LPIN3: variants seen among roughly 807,000 people sequenced by gnomAD.
LPIN3 encodes phosphatidate phosphatase LPIN3.
Under a neutral mutation model 94.7 loss-of-function variants are expected in LPIN3, and 82 were observed. The ratio of observed to expected loss-of-function variants is 0.87; its 90% confidence interval spans 0.72 to 1.04. LPIN3 has a LOEUF of 1.04. LPIN3 is among the 50% of genes least tolerant of loss of function. The pLI, the probability that LPIN3 is intolerant of heterozygous loss-of-function variation, is 0.00. For missense variants in LPIN3, 996 were observed against 1,090.5 expected (o/e 0.91, Z 1.22); for synonymous variants, 418 against 443.3 (o/e 0.94, Z 0.72).
chr20:41,342,838 G>A (rs2045635635), intron 1 of LPIN3, among the ~76,000 whole-genome samples: 1 of 152,162 alleles, frequency 6.6e-6, no homozygotes, highest in Admixed American at 6.5e-5. Flanking sequence ...TGAGGGAGAT[G>A]GGTCTAAAAA....
chr20:41,352,103 C>T lies in LPIN3; in HGVS notation c.1246C>T (p.Gln416Ter). 3 of 1,614,242 alleles carry T rather than the reference C, an allele frequency of 1.9e-6. No homozygotes were observed. The highest frequency in any genetic ancestry group is 2.5e-6 in the Non-Finnish European group (3 of 1,180,050). ...GARRWSEPSSQKSLRDPNPEH... is the reference protein window; with the variant it reads ...GARRWSEPSS ...CAGAAGATGGAGTGAACCCAGCAGT[C>T]AGAAGTCCCTGAGGGACCCCAACCC... The change falls in exon 9 of 20, where the codon CAG (glutamine) becomes TAG (stop). Residue 416 changes from glutamine (Q) to a stop codon, truncating the protein, a stop_gained. Coordinates refer to ENST00000373257, the MANE Select transcript of LPIN3 (RefSeq NM_022896.3). LOFTEE classifies it high-confidence loss of function.
Position 41,349,156 on chromosome 20 carries a change from T to C in LPIN3, c.622T>C (p.Trp208Arg). The change falls in exon 5 of 20, where the codon TGG (tryptophan) becomes CGG (arginine). Residue 208 changes from tryptophan (W) to arginine (R), a missense_variant. Physicochemically the swap from Trp to Arg is moderately radical, Grantham distance 101. Transcript: ENST00000373257. ...CATCTACCCCTACTCGGATGGCGAGTGGCCCCCCCAGGCCAGGTAAGAGTC... is the reference window on the plus strand; with the variant it reads ...CATCTACCCCTACTCGGATGGCGAGCGGCCCCCCCAGGCCAGGTAAGAGTC... ...KDIYPYSDGE[W>R]PPQASLSAGE... 1 of 1,614,046 alleles carries C rather than the reference T, an allele frequency of 6.2e-7. No homozygotes were observed. Among genetic ancestry groups the C allele is most frequent in the Non-Finnish European group, 8.5e-7 (1 of 1,179,978 alleles).
intron 4 of LPIN3, 76 bp from the exon 5 acceptor site, chr20:41,349,016 C>T: frequency 6.3e-7 from 1 of 1,592,594 alleles, no homozygotes. Context: ...TTACCAAGCC[C>T]CTGATGTCCA....
rs373805814 is a variant in LPIN3 at position 41,345,951 on chromosome 20, G to C, written c.148G>C (p.Val50Leu). The C allele has an allele frequency of 4.3e-6, 7 of 1,614,018 alleles. No homozygotes were observed. The African/African-American group carries it at 9.3e-5, about 22-fold the overall frequency. Residue 50 changes from valine to leucine, a missense_variant, in exon 2 of 20, where the codon GTG (valine) becomes CTG (leucine). Coordinates refer to ENST00000373257, the MANE Select transcript of LPIN3 (RefSeq NM_022896.3). Reference sequence around the variant, plus strand: ...CTCGTTCCGGTGCTCACCCTTCCACGTGCGTTTTGGCAAGCTGGGCGTCCT... The same window carrying C: ...CTCGTTCCGGTGCTCACCCTTCCACCTGCGTTTTGGCAAGCTGGGCGTCCT... ...DGSFRCSPFH[V>L]RFGKLGVLRS...
Position 41,357,429 on chromosome 20 carries a change from T to C in LPIN3, c.2021T>C (p.Leu674Pro), listed in dbSNP as rs1313587635. 2 of 1,613,602 alleles carry C rather than the reference T, an allele frequency of 1.2e-6. No homozygotes were observed. Among genetic ancestry groups the C allele is most frequent in the Admixed American group, 1.7e-5 (1 of 60,002 alleles). Reference protein sequence around the residue: ...KDWTHQGITSLYHKIQLNGYK... With the variant: ...KDWTHQGITSPYHKIQLNGYK... ...TGGACACACCAGGGCATCACCAGTC[T>C]CTATCACAAAATCCAACTGTGAGTG... The change falls in exon 16 of 20, where the codon CTC (leucine) becomes CCC (proline). Residue 674 changes from leucine (L) to proline (P), a missense_variant. By Grantham distance (98) the Leu-to-Pro change is moderately conservative. Transcript: ENST00000373257.
intron 2 of LPIN3, 126 bp downstream of exon 2, chr20:41,346,121 C>T: frequency 1.0e-6 from 1 of 991,736 alleles, no homozygotes; most frequent in Non-Finnish European, 1.5e-6. Context: ...GGACAGGCTT[C>T]CCTTCATTTG....
chr20:41,342,090 A>C (rs2045603535), intron 1 of LPIN3, among the ~76,000 whole-genome samples: 1 of 152,178 alleles, frequency 6.6e-6, no homozygotes, highest in Admixed American at 6.5e-5. Context: ...GGCTGTCATG[A>C]TGCTGCTGCT....
intron 1 of LPIN3, 91 bp from the exon 2 acceptor site, chr20:41,345,705 A>G: frequency 7.4e-7 from 1 of 1,354,880 alleles, no homozygotes; most frequent in Non-Finnish European, 1.0e-6. Context: ...ACACAAATGT[A>G]AACTTGGGGG....
intron 1 of LPIN3, among the ~76,000 whole-genome samples, chr20:41,345,273 G>A (rs1031537435): frequency 1.3e-5 from 2 of 152,158 alleles, no homozygotes; most frequent in Non-Finnish European, 2.9e-5. Flanking sequence ...CGTTTTCACA[G>A]TTGGACCATC....
intron 7 of LPIN3, 35 bp downstream of exon 7, chr20:41,350,432 G>A: frequency 6.7e-7 from 1 of 1,495,658 alleles, no homozygotes; most frequent in Admixed American, 2.2e-5. Context: ...CTGCCTCCCT[G>A]GCCTCGCTCT....
chr20:41,348,566 G>A (rs2045873035), intron 3 of LPIN3, 53 bp from the exon 4 acceptor site: 1 of 1,554,692 alleles, frequency 6.4e-7, no homozygotes, highest in Non-Finnish European at 8.7e-7. Flanking sequence ...TGTGTGGTGA[G>A]CGCAGCCCCA....
Position 41,355,909 on chromosome 20 carries a change from G to A in LPIN3, c.1678G>A (p.Val560Ile). The A allele has an allele frequency of 6.2e-7, 1 of 1,614,106 alleles. No homozygotes were observed. The highest frequency in any genetic ancestry group is 8.5e-7 in the Non-Finnish European group (1 of 1,179,992). The part of the protein sequence containing the change: ...AKEQQGEKTE[V>I]LSSDDDAPDS... ...TGTGGTCCACAGGGAGAAGACAGAA[G>A]TCCTGAGCAGTGATGACGATGCCCC... is the stretch of plus-strand genomic sequence containing the variant. Residue 560 changes from valine to isoleucine, a missense_variant, in exon 14 of 20, where the codon GTC (valine) becomes ATC (isoleucine). Coordinates refer to ENST00000373257, the MANE Select transcript of LPIN3 (RefSeq NM_022896.3).
intron 13 of LPIN3, among the ~76,000 whole-genome samples, chr20:41,355,094 A>G (rs2046165605): frequency 6.6e-6 from 1 of 152,090 alleles, no homozygotes; most frequent in East Asian, 1.9e-4. Flanking sequence ...GGCTCACTGC[A>G]ACCTCCACCT....
chr20:41,354,282 T>C (rs912003596), intron 11 of LPIN3, among the ~76,000 whole-genome samples: 2 of 152,262 alleles, frequency 1.3e-5, no homozygotes, highest in South Asian at 2.1e-4. Flanking sequence ...TTCTCCCTGC[T>C]GCCACTTGGT....
At chr20:41,357,501 G>C (rs1371454730) in intron 16 of LPIN3, 54 bp downstream of exon 16, 1 of 1,470,756 alleles carries the variant, frequency 6.8e-7, no homozygotes, top group Non-Finnish European at 9.4e-7. Context: ...CTCTAGAGAG[G>C]GAGTGACAGG....
At chr20:41,345,434 G>T (rs1326433900) in intron 1 of LPIN3, among the ~76,000 whole-genome samples, 2 of 152,244 alleles carry the variant, frequency 1.3e-5, no homozygotes, top group South Asian at 2.1e-4. Context: ...CCACAGGGTT[G>T]TTGTGAAGAT....
chr20:41,357,162 C>T lies in LPIN3; in HGVS notation c.1926C>T (p.Ile642=), dbSNP rs2046237384. 1 of 1,614,016 alleles carries T rather than the reference C, an allele frequency of 6.2e-7. No individual in the cohort carries two copies. Among genetic ancestry groups the T allele is most frequent in the African/African-American group, 1.3e-5 (1 of 74,928 alleles). The change falls in exon 15 of 20, where the codon ATC becomes ATT. Residue 642 remains isoleucine (I), a synonymous_variant. Coordinates refer to ENST00000373257, the MANE Select transcript of LPIN3 (RefSeq NM_022896.3). ...GGAAATGGGACGACAAGGTGGTCAT[C>T]TCTGACATCGACGGCACCATCACCA... ...YLWKWDDKVV[I]SDIDGTITKS...
chr20:41,346,079 T>A, intron 2 of LPIN3, 84 bp downstream of exon 2: 1 of 1,406,172 alleles, frequency 7.1e-7, no homozygotes, highest in Non-Finnish European at 9.7e-7. Flanking sequence ...GGACAGGACC[T>A]GGGGCCTCCC....
chr20:41,342,504 G>A (rs1425165952), intron 1 of LPIN3, among the ~76,000 whole-genome samples: 1 of 152,190 alleles, frequency 6.6e-6, no homozygotes, highest in African/African-American at 2.4e-5. Context: ...AGACATGTTA[G>A]TTTGTGGGTG....
Sources: allele counts gnomAD v4.1 joint callset (sites outside exome capture counted in the v4.1 genomes callset), GRCh38; gene constraint gnomAD v4.1.1; transcripts MANE v1.5; gene names NCBI Gene and HGNC (gene_info 2026-07-23, HGNC 2026-07-21).